Variants in TMCO5A observed in about 807,000 individuals in gnomAD.
TMCO5A encodes the protein transmembrane and coiled-coil domain-containing protein 5A.
In TMCO5A, 34 loss-of-function variants were observed where a neutral mutation model predicts 42.3. The ratio of observed to expected loss-of-function variants is 0.80; its 90% CI spans 0.61 to 1.07. TMCO5A has a LOEUF of 1.07. Ranked by LOEUF, TMCO5A falls within the 50% of genes least tolerant of loss-of-function variation. TMCO5A has a pLI of 0.00. For missense variants in TMCO5A, 357 were observed against 327.9 expected, an observed-to-expected ratio of 1.09 and a Z score of -0.69; for synonymous variants, 131 against 115.6, an observed-to-expected ratio of 1.13 and a Z score of -0.86.
downstream of TMCO5A, among the ~76,000 whole-genome samples, chr15:37,972,148 G>A (rs976081495): frequency 1.3e-5 from 2 of 152,178 alleles, no homozygotes; most frequent in Non-Finnish European, 2.9e-5. Flanking sequence ...CCACGTGGCT[G>A]GGGAGGCCTC....
At chr15:37,979,372 A>T in the TMCO5A span, among the ~76,000 whole-genome samples, 1 of 152,070 alleles carries the variant, frequency 6.6e-6, no homozygotes, top group African/African-American at 2.4e-5. Flanking sequence ...AGGGCAGTGC[A>T]GGGCTGCCAA....
chr15:38,023,618 G>A, the TMCO5A span, among the ~76,000 whole-genome samples: 1 of 152,204 alleles, frequency 6.6e-6, no homozygotes, highest in Non-Finnish European at 1.5e-5. Context: ...TTTAAGTGGA[G>A]AGGAATTAGG....
the TMCO5A span, among the ~76,000 whole-genome samples, chr15:38,018,701 A>C: frequency 0.015 from 2,280 of 152,202 alleles, 49 homozygotes; most frequent in African/African-American, 0.052. Context: ...AATAATAAAG[A>C]AAATTTCCCT....
At chr15:37,960,322 T>C (rs1413267099) in intron 11 of TMCO5A, among the ~76,000 whole-genome samples, 2 of 152,118 alleles carry the variant, frequency 1.3e-5, no homozygotes, top group Admixed American at 1.3e-4. Flanking sequence ...CTTAGAATAA[T>C]GGCCTCCAAT....
chr15:38,002,807 G>A, the TMCO5A span, among the ~76,000 whole-genome samples: 2 of 152,060 alleles, frequency 1.3e-5, no homozygotes, highest in East Asian at 3.9e-4. Context: ...GCTATTTTGA[G>A]TTCTCTGTCT....
the TMCO5A span, among the ~76,000 whole-genome samples, chr15:37,973,369 A>AATTGCTTT: frequency 6.6e-6 from 1 of 152,048 alleles, no homozygotes; most frequent in Non-Finnish European, 1.5e-5. Flanking sequence ...TGAATCTATA[A>AATTGCTTT]ATTGCTTTGG....
intron 11 of TMCO5A, among the ~76,000 whole-genome samples, chr15:37,963,904 G>C (rs1282013022): frequency 1.3e-5 from 2 of 152,026 alleles, no homozygotes; most frequent in Non-Finnish European, 2.9e-5. Context: ...TTCACTTCTT[G>C]TTTCATTTTT....
At chr15:37,957,034 T>C (rs1420366957) in intron 11 of TMCO5A, among the ~76,000 whole-genome samples, 1 of 152,092 alleles carries the variant, frequency 6.6e-6, no homozygotes, top group Admixed American at 6.6e-5. Flanking sequence ...TCGACAAAAT[T>C]CAACAGCCCT....
At chr15:37,936,721 G>T in intron 3 of TMCO5A, 126 bp from the exon 4 acceptor site, 1 of 1,368,568 alleles carries the variant, frequency 7.3e-7, no homozygotes, top group Non-Finnish European at 9.8e-7. Flanking sequence ...GATTCAGTAA[G>T]GAAGAGTTTT....
At chr15:37,936,994 C>A in intron 4 of TMCO5A, 24 bp downstream of exon 4, 1 of 1,610,686 alleles carries the variant, frequency 6.2e-7, no homozygotes, top group South Asian at 1.1e-5. Flanking sequence ...TGGGAAGAGC[C>A]ATTTAATAGG....
chr15:37,939,471 C>T (rs1889651993), intron 6 of TMCO5A, among the ~76,000 whole-genome samples: 1 of 152,096 alleles, frequency 6.6e-6, no homozygotes. Flanking sequence ...GGTCAGGACA[C>T]TGATTTTCTT....
At chr15:38,020,828 T>C in the TMCO5A span, among the ~76,000 whole-genome samples, 152 of 152,038 alleles carry the variant, frequency 1.0e-3, no homozygotes, top group Middle Eastern at 3.4e-3. Context: ...GAAACAAAAA[T>C]AATCATAGTA....
rs556490322 is a variant in TMCO5A at position 37,947,425 on chromosome 15, T to C, written c.628-231T>C. On this transcript the variant is annotated intron_variant, in intron 10 of 11. Coordinates refer to ENST00000319669, the MANE Select transcript of TMCO5A (RefSeq NM_152453.4). ...ATGTGACCTTGGGCAACATCCTTTG[T>C]CTTTCTGTGCCTTAGTTTAGTCATA... Among the ~76,000 whole-genome samples the C allele has an allele frequency of 1.8e-3, 272 of 152,190 alleles. 3 individuals carry two copies. Among genetic ancestry groups the C allele is most frequent in the Non-Finnish European group, 1.3e-3 (85 of 67,978 alleles).
chr15:37,949,381 G>A (rs1415793110), intron 11 of TMCO5A, among the ~76,000 whole-genome samples: 2 of 152,164 alleles, frequency 1.3e-5, no homozygotes, highest in African/African-American at 4.8e-5. Flanking sequence ...AGAATAAAGG[G>A]TCAAGAATAA....
At chr15:37,963,025 G>C (rs1280351322) in intron 11 of TMCO5A, among the ~76,000 whole-genome samples, 1 of 151,606 alleles carries the variant, frequency 6.6e-6, no homozygotes, top group Non-Finnish European at 1.5e-5. Context: ...TATTTCTTTT[G>C]TTGTTGTTGT....
intron 11 of TMCO5A, among the ~76,000 whole-genome samples, chr15:37,962,713 T>C (rs1890460110): frequency 6.6e-6 from 1 of 152,156 alleles, no homozygotes. Flanking sequence ...CATTTCTATC[T>C]CACTGCTTGT....
At chr15:38,037,162 G>A in the TMCO5A span, among the ~76,000 whole-genome samples, 1 of 152,186 alleles carries the variant, frequency 6.6e-6, no homozygotes, top group African/African-American at 2.4e-5. Flanking sequence ...TCAACAACAA[G>A]TAACAGCACA....
chr15:37,978,582 G>C, the TMCO5A span, among the ~76,000 whole-genome samples: 1 of 152,118 alleles, frequency 6.6e-6, no homozygotes, highest in Non-Finnish European at 1.5e-5. Context: ...CCTGCCCAAG[G>C]GTAGTAAGGG....
chr15:37,945,595 T>C (rs1350764181), intron 10 of TMCO5A, among the ~76,000 whole-genome samples: 1 of 152,206 alleles, frequency 6.6e-6, no homozygotes, highest in Non-Finnish European at 1.5e-5. Flanking sequence ...TTTTTCATTG[T>C]GGTTTTGATT....
Sources: gnomAD v4.1 joint callset for allele counts (sites outside exome capture counted in the v4.1 genomes callset) on GRCh38, gnomAD v4.1.1 for gene constraint, MANE v1.5 for transcripts, NCBI Gene and HGNC (gene_info 2026-07-23, HGNC 2026-07-21) for gene names.